Variants in MAPKAP1 observed in about 807,000 individuals in gnomAD.
The protein encoded by MAPKAP1 is MAPK associated protein 1.
Under a neutral mutation model 65.7 loss-of-function variants are expected in MAPKAP1, and 20 were observed. The observed-to-expected ratio is 0.30, with a 90% CI of 0.21 to 0.44. The LOEUF (loss-of-function observed/expected upper bound fraction) is 0.44, where lower values mean the gene tolerates loss of function less well. Ranked by LOEUF, MAPKAP1 falls within the 20% of genes least tolerant of loss-of-function variation. The pLI, the probability that MAPKAP1 is intolerant of heterozygous loss-of-function variation, is 1.00. For synonymous variants in MAPKAP1, 222 were observed against 244.3 expected (o/e 0.91, Z 0.85); for missense variants, 423 against 648.0 (o/e 0.65, Z 3.77).
rs768270096 is a variant in MAPKAP1, at chr9:125,438,759, T to G, written c.*128A>C. On this transcript the variant is annotated 3_prime_UTR_variant, in exon 12 of 12. Coordinates refer to ENST00000265960, the MANE Select transcript of MAPKAP1 (RefSeq NM_001006617.3). Reference sequence around the variant, plus strand: ...CCGACACCTTCCCCGAGAGCCCACCTGCCCTGTGCCAGTGAGCCAGGGGCT... The same window carrying G: ...CCGACACCTTCCCCGAGAGCCCACCGGCCCTGTGCCAGTGAGCCAGGGGCT... 118 of 1,302,102 alleles carry G rather than the reference T, an allele frequency of 9.1e-5. 1 individual carries two copies. Among genetic ancestry groups the G allele is most frequent in the Non-Finnish European group, 1.1e-4 (106 of 936,456 alleles). The allele number at this position is 1,302,102 out of a possible 1,614,324, so 80.7% of individuals were successfully genotyped here.
At chr9:125,522,128 G>T (rs1352405758) in intron 7 of MAPKAP1, among the ~76,000 whole-genome samples, 2 of 152,236 alleles carry the variant, frequency 1.3e-5, no homozygotes, top group African/African-American at 4.8e-5. Flanking sequence ...CTAGCCCAGG[G>T]TGGGACAAAA....
intron 11 of MAPKAP1, among the ~76,000 whole-genome samples, chr9:125,441,161 G>A (rs1003389337): frequency 5.3e-5 from 8 of 152,184 alleles, no homozygotes; most frequent in Non-Finnish European, 1.2e-4. Flanking sequence ...TAAAAATATA[G>A]GGAGTTTTCA....
chr9:125,444,639 T>C, intron 10 of MAPKAP1, 41 bp from the exon 11 acceptor site: 2 of 1,450,408 alleles, frequency 1.4e-6, no homozygotes, highest in Non-Finnish European at 9.6e-7. Context: ...TCTGGTGAGT[T>C]AACTATGGCG....
chr9:125,566,182 T>G (rs563604556), intron 5 of MAPKAP1, among the ~76,000 whole-genome samples: 2 of 152,326 alleles, frequency 1.3e-5, no homozygotes, highest in South Asian at 4.1e-4. Context: ...CATTGAGTAT[T>G]TGCTATGTGT....
chr9:125,530,907 T>C (rs1829915406), intron 7 of MAPKAP1, among the ~76,000 whole-genome samples: 1 of 152,240 alleles, frequency 6.6e-6, no homozygotes, highest in South Asian at 2.1e-4. Flanking sequence ...TGGCAGCTGA[T>C]GTCCACTGAG....
chr9:125,592,614 CTA>C (rs1488199235), intron 4 of MAPKAP1, among the ~76,000 whole-genome samples: 2 of 152,118 alleles, frequency 1.3e-5, no homozygotes, highest in African/African-American at 2.4e-5. Flanking sequence ...TAAGAACATA[CTA>C]TGTGCTGGCC....
intron 6 of MAPKAP1, among the ~76,000 whole-genome samples, chr9:125,558,664 A>G (rs1215633102): frequency 3.3e-5 from 5 of 152,214 alleles, no homozygotes; most frequent in African/African-American, 1.2e-4. Context: ...CCCAGGAGAC[A>G]GCCATGAGAA....
rs549754703 is a variant in MAPKAP1, at chr9:125,568,453, T to C, written c.672-8644A>G. On this transcript the variant is annotated intron_variant, in intron 5 of 11. Coordinates refer to ENST00000265960, the MANE Select transcript of MAPKAP1 (RefSeq NM_001006617.3). ...CCTGAACTTTTCATTGTCGGCTGCATTGAGTGGGTCTTTTACCTGACCTTC... is the reference window on the plus strand; with the variant it reads ...CCTGAACTTTTCATTGTCGGCTGCACTGAGTGGGTCTTTTACCTGACCTTC... 7.9e-5 allele frequency among the ~76,000 whole-genome samples: 12 copies of C among 152,186 alleles called. 1 individual carries two copies. The highest frequency in any genetic ancestry group is 1.9e-4 in the East Asian group (1 of 5,196).
chr9:125,600,240 CA>C (rs1490415485), intron 4 of MAPKAP1, among the ~76,000 whole-genome samples: 1 of 150,952 alleles, frequency 6.6e-6, no homozygotes, highest in Non-Finnish European at 1.5e-5. Context: ...AAGGCCAGTC[CA>C]CTCCGTATCA....
intron 3 of MAPKAP1, among the ~76,000 whole-genome samples, chr9:125,660,533 T>C (rs915886957): frequency 3.9e-5 from 6 of 152,224 alleles, no homozygotes; most frequent in African/African-American, 4.8e-5. Context: ...CCTGAAATTA[T>C]AGACATCCAA....
rs565302288 is a variant in MAPKAP1, at chr9:125,570,422, G to A, written c.672-10613C>T. On this transcript the variant is annotated intron_variant, in intron 5 of 11. Transcript: ENST00000265960. ...CTGCTTTACAGCTAGGTAAGGCCTGGGGACATGTGGAGTTAGACATGCCCC... is the reference window on the plus strand; with the variant it reads ...CTGCTTTACAGCTAGGTAAGGCCTGAGGACATGTGGAGTTAGACATGCCCC... 3.0e-4 allele frequency among the ~76,000 whole-genome samples: 45 copies of A among 152,308 alleles called. No homozygotes were observed. In the South Asian group the frequency reaches 8.7e-3, roughly 29 times the overall value.
chr9:125,567,029 C>T (rs1309794481), intron 5 of MAPKAP1, among the ~76,000 whole-genome samples: 1 of 152,192 alleles, frequency 6.6e-6, no homozygotes, highest in Non-Finnish European at 1.5e-5. Flanking sequence ...GTGAAGAGCA[C>T]CACAGTGCAT....
intron 7 of MAPKAP1, among the ~76,000 whole-genome samples, chr9:125,511,164 C>T (rs13288425): frequency 6.8e-6 from 1 of 146,968 alleles, no homozygotes; most frequent in Non-Finnish European, 1.5e-5. Flanking sequence ...ATCATCATCA[C>T]CATCATCATC....
chr9:125,700,664 A>G (rs916020012), intron 1 of MAPKAP1, among the ~76,000 whole-genome samples: 2 of 152,172 alleles, frequency 1.3e-5, no homozygotes, highest in Non-Finnish European at 2.9e-5. Flanking sequence ...ATATATCTAG[A>G]CTGCTGCCAA....
At chr9:125,507,931 C>T (rs935489084) in intron 7 of MAPKAP1, among the ~76,000 whole-genome samples, 10 of 151,984 alleles carry the variant, frequency 6.6e-5, no homozygotes, top group Non-Finnish European at 1.0e-4. Flanking sequence ...CTCCCAAATC[C>T]CAGCACTTCG....
Position 125,605,634 on chromosome 9 carries a change from C to T in MAPKAP1, c.499-19907G>A, listed in dbSNP as rs570167654. 5.3e-5 allele frequency among the ~76,000 whole-genome samples: 8 copies of T among 152,294 alleles called. 1 individual carries two copies. The South Asian group carries it at 1.0e-3, about 20-fold the overall frequency. Reference sequence around the variant, plus strand: ...TCGGAACCCATTGTCACAGGCTCCACGGCTGGCATCCCACCCTGCCACCCA... The same window carrying T: ...TCGGAACCCATTGTCACAGGCTCCATGGCTGGCATCCCACCCTGCCACCCA... On this transcript the variant is annotated intron_variant, in intron 4 of 11. Coordinates refer to ENST00000265960, the MANE Select transcript of MAPKAP1 (RefSeq NM_001006617.3).
chr9:125,634,568 T>G (rs1355612580), intron 4 of MAPKAP1, among the ~76,000 whole-genome samples: 1 of 152,192 alleles, frequency 6.6e-6, no homozygotes, highest in East Asian at 1.9e-4. Context: ...AAAATCCCAC[T>G]GAAACAATTA....
At chr9:125,676,965 A>T (rs1025851336) in intron 1 of MAPKAP1, among the ~76,000 whole-genome samples, 1 of 152,216 alleles carries the variant, frequency 6.6e-6, no homozygotes, top group African/African-American at 2.4e-5. Flanking sequence ...GTAACAATAT[A>T]TCCCAAACTT....
At chr9:125,642,188 G>C (rs1293800201) in intron 4 of MAPKAP1, among the ~76,000 whole-genome samples, 1 of 146,428 alleles carries the variant, frequency 6.8e-6, no homozygotes, top group African/African-American at 2.5e-5. Flanking sequence ...CTGGGCAACA[G>C]AGTAAGACTG....
Sources: gnomAD v4.1 joint callset for allele counts (sites outside exome capture counted in the v4.1 genomes callset) on GRCh38, gnomAD v4.1.1 for gene constraint, MANE v1.5 for transcripts, NCBI Gene and HGNC (gene_info 2026-07-23, HGNC 2026-07-21) for gene names.